PEBP4: variants seen among roughly 807,000 people sequenced by gnomAD.
The protein encoded by PEBP4 is phosphatidylethanolamine-binding protein 4.
Under a neutral mutation model 23.9 loss-of-function variants are expected in PEBP4, and 22 were observed. The ratio of observed to expected loss-of-function variants is 0.92; its 90% confidence interval spans 0.66 to 1.31. The LOEUF is 1.31. PEBP4 is among the 40% of genes most tolerant of loss of function. The pLI is 0.00. For synonymous variants in PEBP4, 112 were observed against 99.3 expected, an observed-to-expected ratio of 1.13 and a Z score of -0.76; for missense variants, 324 against 281.7, an observed-to-expected ratio of 1.15 and a Z score of -1.07.
At position 22,935,452 on chromosome 8, in the gene PEBP4, G is replaced by A. The variant is rs527409419; in HGVS notation, c.145-7732C>T. On this transcript the variant is annotated intron_variant, in intron 1 of 1. Coordinates refer to the PEBP4 transcript ENST00000522278. Reference sequence around the variant, plus strand: ...GAGGCAGGAGAATTGCTTGAACCCAGGAGGCAGAGGTTGCAGTGAGCTGAG... The same window carrying A: ...GAGGCAGGAGAATTGCTTGAACCCAAGAGGCAGAGGTTGCAGTGAGCTGAG... Among the ~76,000 whole-genome samples the A allele has an allele frequency of 3.3e-5, 5 of 152,318 alleles. 1 individual carries two copies. In the South Asian group the frequency reaches 8.3e-4, roughly 25 times the overall value.
chr8:22,860,601 T>C (rs147870942), intron 3 of PEBP4, among the ~76,000 whole-genome samples: 5 of 152,346 alleles, frequency 3.3e-5, no homozygotes, highest in African/African-American at 1.2e-4. Flanking sequence ...ACTGTGTGGA[T>C]ATACCACGTT....
At chr8:22,811,731 G>T (rs1269080166) in intron 4 of PEBP4, among the ~76,000 whole-genome samples, 1 of 152,330 alleles carries the variant, frequency 6.6e-6, no homozygotes, top group East Asian at 1.9e-4. Flanking sequence ...AAGGCTTCCA[G>T]GCTCCAACAC....
At chr8:22,758,249 T>C (rs1805432456) in intron 4 of PEBP4, 1 of 152,216 alleles carries the variant, frequency 6.6e-6, no homozygotes, top group Admixed American at 6.5e-5. Context: ...CCATCTTCCC[T>C]CCGGTGACCC....
rs11315221 is a variant in PEBP4 at position 22,793,433 on chromosome 8, A to ATTT, written c.357+24201_357+24203dup. Among the ~76,000 whole-genome samples the ATTT allele has an allele frequency of 5.8e-5, 7 of 120,342 alleles. 1 individual carries two copies. The highest frequency in any genetic ancestry group is 8.6e-5 in the Non-Finnish European group (5 of 58,238). 78.9% of individuals were successfully genotyped at this position (120,342 alleles called of 152,430 possible). A position where few individuals can be genotyped will look rare whatever the true frequency, so the allele number is the denominator to read the frequency against. ...AGGCATGCACCACCACGCCCAGCTCATTTTTTTTTTTTTTTTTTTGTATTT... is the reference window on the plus strand; with the variant it reads ...AGGCATGCACCACCACGCCCAGCTCATTTTTTTTTTTTTTTTTTTTTTGTATTT... On this transcript the variant is annotated intron_variant, in intron 4 of 6. Transcript: ENST00000256404.
intron 4 of PEBP4, among the ~76,000 whole-genome samples, chr8:22,751,390 G>C (rs371180454): frequency 2.8e-4 from 43 of 152,258 alleles, no homozygotes; most frequent in African/African-American, 1.0e-3. Flanking sequence ...TGGTTGCCTT[G>C]GGAAACTTGG....
chr8:22,781,414 C>T (rs568300766), intron 4 of PEBP4, among the ~76,000 whole-genome samples: 1 of 152,140 alleles, frequency 6.6e-6, no homozygotes, highest in Non-Finnish European at 1.5e-5. Context: ...TCAGGGATCG[C>T]TTTACATAAC....
chr8:22,748,599 G>A (rs745710693), intron 4 of PEBP4, among the ~76,000 whole-genome samples: 1 of 151,450 alleles, frequency 6.6e-6, no homozygotes, highest in Non-Finnish European at 1.5e-5. Flanking sequence ...TGATGAGGGT[G>A]GTCTGAGGGG....
chr8:22,917,778 C>A (rs1317879722), intron 3 of PEBP4, among the ~76,000 whole-genome samples: 2 of 152,236 alleles, frequency 1.3e-5, no homozygotes, highest in African/African-American at 4.8e-5. Context: ...GGGATAGGCA[C>A]AAGACCAAAG....
chr8:22,930,792 T>C (rs2128782708), upstream of PEBP4, among the ~76,000 whole-genome samples: 1 of 152,272 alleles, frequency 6.6e-6, no homozygotes, highest in Middle Eastern at 3.4e-3. Flanking sequence ...AAACCTAAGA[T>C]CTGAAAGCCG....
chr8:22,735,027 C>T (rs530335034), intron 4 of PEBP4, among the ~76,000 whole-genome samples: 2 of 152,308 alleles, frequency 1.3e-5, no homozygotes, highest in South Asian at 4.1e-4. Flanking sequence ...GTCACACCGT[C>T]TTGCAGCTGT....
At chr8:22,882,266 G>A (rs77487727) in intron 3 of PEBP4, among the ~76,000 whole-genome samples, 3,743 of 152,294 alleles carry the variant, frequency 0.025, 72 homozygotes, top group South Asian at 0.053. Flanking sequence ...TGGCAGAACT[G>A]GAGACATGGG....
intron 3 of PEBP4, among the ~76,000 whole-genome samples, chr8:22,906,819 C>G (rs1292237694): frequency 6.6e-6 from 1 of 152,234 alleles, no homozygotes; most frequent in African/African-American, 2.4e-5. Flanking sequence ...GACAAAGATT[C>G]CTGCCCTCAT....
At chr8:22,828,799 C>G (rs1465522260) in intron 3 of PEBP4, among the ~76,000 whole-genome samples, 1 of 152,202 alleles carries the variant, frequency 6.6e-6, no homozygotes, top group African/African-American at 2.4e-5. Context: ...ACATGTGGAA[C>G]AGCCACCCAA....
At chr8:22,888,679 G>A (rs1360352908) in intron 3 of PEBP4, among the ~76,000 whole-genome samples, 1 of 152,232 alleles carries the variant, frequency 6.6e-6, no homozygotes, top group Non-Finnish European at 1.5e-5. Context: ...TTAATTTCAT[G>A]CTATTCCTGT....
intron 4 of PEBP4, chr8:22,755,656 A>T (rs1045092864): frequency 1.1e-4 from 16 of 152,152 alleles, no homozygotes; most frequent in African/African-American, 3.9e-4. Flanking sequence ...ACTCTTTTCT[A>T]ACATCATTTT....
intron 6 of PEBP4, among the ~76,000 whole-genome samples, chr8:22,721,677 C>G (rs1389175985): frequency 6.6e-6 from 1 of 152,114 alleles, no homozygotes. Flanking sequence ...CCAGGGGACA[C>G]AAGCAGCTGG....
intron 3 of PEBP4, among the ~76,000 whole-genome samples, chr8:22,863,141 T>C (rs1057229340): frequency 6.6e-6 from 1 of 152,146 alleles, no homozygotes; most frequent in African/African-American, 2.4e-5. Context: ...CCCTGGATGC[T>C]GTTGGCAGTG....
At chr8:22,796,257 C>CGTGT (rs34887072) in intron 4 of PEBP4, among the ~76,000 whole-genome samples, 272 of 149,860 alleles carry the variant, frequency 1.8e-3, no homozygotes, top group African/African-American at 5.7e-3. Flanking sequence ...CTCAAGTGTG[C>CGTGT]GTGTGTGTGT....
intron 3 of PEBP4, chr8:22,879,215 G>C (rs1324021685): frequency 6.6e-6 from 1 of 152,204 alleles, no homozygotes; most frequent in South Asian, 2.1e-4. Flanking sequence ...TGGCCTCAAC[G>C]CTCTCAATGT....
Sources: allele counts gnomAD v4.1 joint callset (sites outside exome capture counted in the v4.1 genomes callset), GRCh38; gene constraint gnomAD v4.1.1; transcripts MANE v1.5; gene names NCBI Gene and HGNC (gene_info 2026-07-23, HGNC 2026-07-21).